Variants in WNK2 observed in about 807,000 individuals in gnomAD.
WNK2 encodes the protein WNK lysine deficient protein kinase 2, also known as serine/threonine-protein kinase WNK2.
In WNK2, 67 loss-of-function variants were observed where a neutral mutation model predicts 192.1. The observed-to-expected ratio is 0.35, with a 90% CI of 0.29 to 0.43. The LOEUF (loss-of-function observed/expected upper bound fraction) is 0.43, where lower values mean the gene tolerates loss of function less well. WNK2 is among the 20% of genes least tolerant of loss of function. The pLI is 1.00. For missense variants in WNK2, 2,698 were observed against 3,089.7 expected, an observed-to-expected ratio of 0.87 and a Z score of 3.01; for synonymous variants, 1,439 against 1,393.9, an observed-to-expected ratio of 1.03 and a Z score of -0.72.
At chr9:93,255,437 C>G (rs924194411) in intron 9 of WNK2, among the ~76,000 whole-genome samples, 2 of 152,210 alleles carry the variant, frequency 1.3e-5, no homozygotes, top group Non-Finnish European at 2.9e-5. Context: ...ATCCTCCACT[C>G]CCTGGCTTCA....
At position 93,317,573 on chromosome 9, in the gene WNK2, C is replaced by T. The variant is rs368809113; in HGVS notation, c.6570C>T (p.Gly2190=). The stretch of plus-strand genomic sequence containing the variant: ...TGCCACGTCTGCCCCCAGCGCCCGG[C>T]CCTCTGTCCACCACGGTCATTCCCG... ...VGMPRLPPAP[G]PLSTTVIPGA... The change falls in exon 29 of 30, where the codon GGC becomes GGT. Residue 2190 remains glycine, a synonymous_variant. Transcript: ENST00000427277. 2 of 1,613,404 alleles carry T rather than the reference C, an allele frequency of 1.2e-6. No individual in the cohort carries two copies. Among genetic ancestry groups the T allele is most frequent in the African/African-American group, 1.3e-5 (1 of 74,930 alleles).
chr9:93,303,634 G>C (rs1324509933), intron 26 of WNK2, among the ~76,000 whole-genome samples: 1 of 152,192 alleles, frequency 6.6e-6, no homozygotes, highest in Non-Finnish European at 1.5e-5. Flanking sequence ...GCGCCCACCA[G>C]GCCCTGACCT....
At chr9:93,237,938 C>T (rs546505422) in intron 5 of WNK2, among the ~76,000 whole-genome samples, 1 of 152,204 alleles carries the variant, frequency 6.6e-6, no homozygotes, top group East Asian at 1.9e-4. Context: ...CTCAGCTCTA[C>T]CCCTCAACTC....
chr9:93,192,320 A>G (rs1417138320), intron 2 of WNK2, among the ~76,000 whole-genome samples: 3 of 152,108 alleles, frequency 2.0e-5, no homozygotes, highest in Non-Finnish European at 2.9e-5. Context: ...TCAAGAAAAA[A>G]AAAAAAGAGA....
Position 93,289,564 on chromosome 9 carries a change from C to T in WNK2, c.4810C>T (p.Leu1604=). The T allele has an allele frequency of 6.5e-7, 1 of 1,545,688 alleles. No homozygotes were observed. Among genetic ancestry groups the T allele is most frequent in the South Asian group, 1.2e-5 (1 of 82,868 alleles). Residue 1604 remains leucine (L), a synonymous_variant, in exon 20 of 30, where the codon CTG becomes TTG. Coordinates refer to ENST00000427277, the MANE Select transcript of WNK2 (RefSeq NM_006648.4). ...RSEVCGGDLA[L]PPVPKEAVSG... ...AGAGGTCTGCGGGGGGGACCTGGCC[C>T]TGCCCCCAGTGCCTAAGGAGGCGGT...
intron 2 of WNK2, among the ~76,000 whole-genome samples, chr9:93,193,279 C>T (rs1281964922): frequency 3.9e-5 from 6 of 152,194 alleles, no homozygotes; most frequent in East Asian, 3.9e-4. Context: ...CCTGTTTCTG[C>T]GAGCCTCGGT....
chr9:93,283,596 T>G (rs1013633372), intron 19 of WNK2, among the ~76,000 whole-genome samples: 2 of 152,176 alleles, frequency 1.3e-5, no homozygotes, highest in African/African-American at 4.8e-5. Flanking sequence ...CTATAAACAT[T>G]AAAAAGTCAA....
chr9:93,287,743 G>T (rs1333675448), intron 19 of WNK2, among the ~76,000 whole-genome samples: 1 of 151,996 alleles, frequency 6.6e-6, no homozygotes, highest in African/African-American at 2.4e-5. Context: ...CTTTTTTTGT[G>T]TTCATTTTCT....
intron 2 of WNK2, among the ~76,000 whole-genome samples, chr9:93,216,397 G>A (rs545410313): frequency 1.3e-5 from 2 of 152,274 alleles, no homozygotes; most frequent in African/African-American, 4.8e-5. Context: ...TGTAGTCCCA[G>A]CATTTTCGGA....
Position 93,261,931 on chromosome 9 carries a change from G to T in WNK2, c.3184G>T (p.Ala1062Ser). The change falls in exon 13 of 30, where the codon GCC becomes TCC. Residue 1062 changes from alanine (A) to serine (S), a missense_variant. Ala to Ser is a moderately conservative substitution (Grantham distance 99). Around this residue, in one of 7 missense-constraint regions of WNK2, gnomAD observed 893 missense variants for 909.0 expected, o/e 0.98. Transcript: ENST00000427277. ...PPLPEVLLPA[A>S]PELLPQFPSS... ...TCTGCCGGAAGTGCTGCTGCCTGCCGCCCCTGAGCTCCTGCCTCAGTTCCC... is the reference window on the plus strand; with the variant it reads ...TCTGCCGGAAGTGCTGCTGCCTGCCTCCCCTGAGCTCCTGCCTCAGTTCCC... 6.2e-7 allele frequency: 1 copy of T among 1,609,622 alleles called. No individual in the cohort carries two copies.
intron 19 of WNK2, among the ~76,000 whole-genome samples, chr9:93,281,122 A>G (rs969811962): frequency 6.6e-6 from 1 of 152,200 alleles, no homozygotes; most frequent in Admixed American, 6.5e-5. Flanking sequence ...GGAAACATCC[A>G]GGAGGGTGAT....
chr9:93,211,544 A>G (rs1018126783), intron 2 of WNK2, among the ~76,000 whole-genome samples: 8 of 137,058 alleles, frequency 5.8e-5, no homozygotes, highest in Non-Finnish European at 9.3e-5. Flanking sequence ...TCACTCATCC[A>G]TTCACTCACT....
chr9:93,256,924 G>A (rs1297698372), intron 10 of WNK2, 24 bp from the exon 11 acceptor site: 2 of 1,536,008 alleles, frequency 1.3e-6, no homozygotes, highest in Non-Finnish European at 1.7e-6. Context: ...GTGGTCTAAG[G>A]GGAGCTACCT....
At chr9:93,272,082 G>T (rs956873232) in intron 19 of WNK2, among the ~76,000 whole-genome samples, 5 of 152,152 alleles carry the variant, frequency 3.3e-5, no homozygotes, top group Non-Finnish European at 7.3e-5. Flanking sequence ...AGAAAACTAA[G>T]GGAATTCATG....
intron 29 of WNK2, chr9:93,318,334 T>G: frequency 6.3e-7 from 1 of 1,583,304 alleles, no homozygotes; most frequent in Non-Finnish European, 8.6e-7. Context: ...ACCTTAAGTA[T>G]TGAAGAGCTT....
At position 93,268,738 on chromosome 9, in the gene WNK2, C is replaced by A. The variant is rs751947488; in HGVS notation, c.4025C>A (p.Ala1342Asp). The change falls in exon 19 of 30, where the codon GCC becomes GAC. Residue 1342 changes from alanine to aspartate, a missense_variant. Physicochemically the swap from Ala to Asp is moderately radical, Grantham distance 126. Around this residue, in one of 7 missense-constraint regions of WNK2, gnomAD observed 1,098 missense variants for 1,101.0 expected, o/e 1.00. Coordinates refer to ENST00000427277, the MANE Select transcript of WNK2 (RefSeq NM_006648.4). ...PLPLSSLPPE[A>D]SQDSAPYKDQ... Reference sequence around the variant, plus strand: ...CCTCTAAGCTCCCTGCCGCCAGAAGCCAGCCAAGGTATGAGCAGCAGGCGC... The same window carrying A: ...CCTCTAAGCTCCCTGCCGCCAGAAGACAGCCAAGGTATGAGCAGCAGGCGC... 6.2e-7 allele frequency: 1 copy of A among 1,612,526 alleles called. No homozygotes were observed. Among genetic ancestry groups the A allele is most frequent in the Admixed American group, 1.7e-5 (1 of 59,972 alleles).
In WNK2 at chr9:93,318,987, C is replaced by T. The variant is rs1855184689; in HGVS notation, c.6628+1356C>T. On this transcript the variant is annotated intron_variant, in intron 29 of 29. Transcript: ENST00000427277. ...ATCAATTCAGTTAGAATTGAATTTT[C>T]TAGGTGATTATGCAGAATCTTCTGC... 3.4e-6 allele frequency: 5 copies of T among 1,484,260 alleles called. No individual in the cohort carries two copies. In the South Asian group the frequency reaches 7.2e-5, roughly 21 times the overall value. The allele number at this position is 1,484,260 out of a possible 1,614,324, so 91.9% of individuals were successfully genotyped here. A position where few individuals can be genotyped will look rare whatever the true frequency, so the allele number is the denominator to read the frequency against.
chr9:93,308,619 G>A, intron 28 of WNK2, 35 bp downstream of exon 28: 1 of 1,516,970 alleles, frequency 6.6e-7, no homozygotes. Flanking sequence ...GTGCTCCTGG[G>A]GTGGGGTAGC....
chr9:93,268,795 G>T (rs747620932), intron 19 of WNK2, 49 bp downstream of exon 19: 6 of 1,589,844 alleles, frequency 3.8e-6, no homozygotes, highest in East Asian at 4.7e-5. Context: ...TCATGTACAG[G>T]CCTCCTTCTG....
Sources: gnomAD v4.1 joint callset for allele counts (sites outside exome capture counted in the v4.1 genomes callset) on GRCh38, gnomAD v4.1.1 for gene constraint, gnomAD v4.1.1 regional missense constraint, MANE v1.5 for transcripts, NCBI Gene and HGNC (gene_info 2026-07-23, HGNC 2026-07-21) for gene names.